Variants in CTTNBP2NL observed in about 807,000 individuals in gnomAD.
CTTNBP2NL encodes the protein CTTNBP2 N-terminal like, also known as CTTNBP2 N-terminal-like protein.
A neutral mutation model predicts 32.5 loss-of-function variants in CTTNBP2NL; 16 were observed. That is an observed-to-expected ratio of 0.49 (90% CI 0.33 to 0.75). CTTNBP2NL has a LOEUF of 0.75. Among genes scored for constraint, CTTNBP2NL ranks in the 30% least tolerant of loss-of-function variants. The pLI is 0.02. For synonymous variants in CTTNBP2NL, 298 were observed against 289.4 expected (o/e 1.03, Z -0.30); for missense variants, 645 against 756.0 (o/e 0.85, Z 1.72).
intron 3 of CTTNBP2NL, among the ~76,000 whole-genome samples, chr1:112,427,888 T>G (rs1649447798): frequency 1.1e-5 from 1 of 87,664 alleles, no homozygotes; most frequent in Non-Finnish European, 2.4e-5. Flanking sequence ...AGAGCAAGAC[T>G]CTGTCTCAAA....
chr1:112,409,391 T>TA (rs34549995), intron 1 of CTTNBP2NL, among the ~76,000 whole-genome samples: 14 of 152,140 alleles, frequency 9.2e-5, no homozygotes, highest in African/African-American at 3.4e-4. Context: ...AATTACTGAT[T>TA]AAAAAAAATT....
At chr1:112,402,714 TAAC>T (rs1388173838) in intron 1 of CTTNBP2NL, among the ~76,000 whole-genome samples, 1 of 152,192 alleles carries the variant, frequency 6.6e-6, no homozygotes, top group Admixed American at 6.5e-5. Context: ...TTTGAGGGTA[TAAC>T]AATGATCTGG....
At chr1:112,420,542 C>T (rs747545474) in intron 3 of CTTNBP2NL, among the ~76,000 whole-genome samples, 4 of 152,106 alleles carry the variant, frequency 2.6e-5, no homozygotes, top group Non-Finnish European at 4.4e-5. Context: ...GTGAGCAGCT[C>T]ACTGCAGCCT....
Position 112,456,023 on chromosome 1 carries a change from G to A in CTTNBP2NL, c.531G>A (p.Gln177=), listed in dbSNP as rs2101035755. ...QLEEERSRHK[Q]LSSMLVLECK... ...AAGAGGAGCGCTCCCGCCACAAGCA[G>A]CTCTCATCCATGCTAGTGCTTGAGT... Residue 177 remains glutamine (Q), a synonymous_variant, in exon 6 of 6, where the codon CAG becomes CAA. Transcript: ENST00000271277. The A allele has an allele frequency of 1.2e-6, 2 of 1,614,154 alleles. No individual in the cohort carries two copies. The highest frequency in any genetic ancestry group is 1.7e-6 in the Non-Finnish European group (2 of 1,180,014).
intron 1 of CTTNBP2NL, among the ~76,000 whole-genome samples, chr1:112,396,855 C>T (rs1648346577): frequency 6.6e-6 from 1 of 152,236 alleles, no homozygotes; most frequent in Non-Finnish European, 1.5e-5. Flanking sequence ...CCCGCAGCCC[C>T]TCGCATCCTC....
intron 3 of CTTNBP2NL, among the ~76,000 whole-genome samples, chr1:112,436,871 A>G (rs556518104): frequency 6.6e-6 from 1 of 152,152 alleles, no homozygotes; most frequent in African/African-American, 2.4e-5. Context: ...TGTTCTTATC[A>G]TTTAGCTCCA....
Position 112,458,195 on chromosome 1 carries a change from T to G in CTTNBP2NL, c.*783T>G, listed in dbSNP as rs1173844080. On this transcript the variant is annotated 3_prime_UTR_variant, in exon 6 of 6. Coordinates refer to ENST00000271277, the MANE Select transcript of CTTNBP2NL (RefSeq NM_018704.3). Reference sequence around the variant, plus strand: ...AAGCATCTACTGTTGTGTAAGGAACTTCTGATTCTGATTGCTGTTACTTGA... The same window carrying G: ...AAGCATCTACTGTTGTGTAAGGAACGTCTGATTCTGATTGCTGTTACTTGA... 1 of 152,698 alleles carries G rather than the reference T, an allele frequency of 6.5e-6. No individual in the cohort carries two copies. The highest frequency in any genetic ancestry group is 1.9e-4 in the East Asian group (1 of 5,204). The allele number at this position is 152,698 out of a possible 1,614,324, so 9.5% of individuals were successfully genotyped here. A position where few individuals can be genotyped will look rare whatever the true frequency, so the allele number is the denominator to read the frequency against.
At chr1:112,441,937 A>T (rs1304467806) in intron 3 of CTTNBP2NL, among the ~76,000 whole-genome samples, 1 of 152,126 alleles carries the variant, frequency 6.6e-6, no homozygotes, top group Non-Finnish European at 1.5e-5. Flanking sequence ...GAAAAAAGAG[A>T]TTAGGATCTA....
Position 112,396,230 on chromosome 1 carries a change from G to T in CTTNBP2NL, c.-176G>T, listed in dbSNP as rs115621358. On this transcript the variant is annotated 5_prime_UTR_variant, in exon 1 of 6. Transcript: ENST00000271277. ...CGGAGCCTCAGCCGCTGTGGATGGG[G>T]AGTGGAGGCGGAGGGGAGCGGAGCC... 9.8e-3 allele frequency: 1,497 copies of T among 152,526 alleles called. 36 individuals are homozygous for T. Among genetic ancestry groups the T allele is most frequent in the African/African-American group, 0.034 (1,411 of 41,584 alleles). 9.4% of individuals were successfully genotyped at this position (152,526 alleles called of 1,614,324 possible).
At chr1:112,410,754 C>A (rs942665729) in intron 1 of CTTNBP2NL, among the ~76,000 whole-genome samples, 9 of 152,172 alleles carry the variant, frequency 5.9e-5, no homozygotes, top group South Asian at 2.1e-4. Context: ...TGACAAGTGA[C>A]AGCTTACTTA....
intron 3 of CTTNBP2NL, among the ~76,000 whole-genome samples, chr1:112,424,410 C>G (rs962016176): frequency 2.0e-5 from 3 of 152,182 alleles, no homozygotes; most frequent in South Asian, 2.1e-4. Flanking sequence ...CAGTACCACA[C>G]TGTTTTGGTT....
At chr1:112,399,447 AC>A (rs1369462971) in intron 1 of CTTNBP2NL, among the ~76,000 whole-genome samples, 2 of 152,202 alleles carry the variant, frequency 1.3e-5, no homozygotes, top group Non-Finnish European at 2.9e-5. Context: ...AAAAATAGGA[AC>A]GGAGCACAGA....
intron 1 of CTTNBP2NL, among the ~76,000 whole-genome samples, chr1:112,408,450 C>G (rs1648751381): frequency 6.6e-6 from 1 of 151,884 alleles, no homozygotes; most frequent in Non-Finnish European, 1.5e-5. Flanking sequence ...ACTCTTTTAT[C>G]CCAAATGAAT....
intron 3 of CTTNBP2NL, among the ~76,000 whole-genome samples, chr1:112,435,458 T>C (rs1388814951): frequency 2.0e-5 from 3 of 152,196 alleles, no homozygotes; most frequent in Non-Finnish European, 4.4e-5. Flanking sequence ...TTTCAGGCCC[T>C]GTAAGTCTAC....
intron 3 of CTTNBP2NL, among the ~76,000 whole-genome samples, chr1:112,441,479 GGCTATTACGAATAAAGCT>G (rs1352851024): frequency 6.6e-6 from 1 of 151,792 alleles, no homozygotes; most frequent in Non-Finnish European, 1.5e-5. Context: ...TCTAGTTTGG[GGCTATTACGAATAAAGCT>G]GCTATAGCAG....
At chr1:112,405,191 C>T (rs1648624478) in intron 1 of CTTNBP2NL, among the ~76,000 whole-genome samples, 1 of 152,148 alleles carries the variant, frequency 6.6e-6, no homozygotes, top group Admixed American at 6.5e-5. Context: ...AGTTGTTATT[C>T]ATTTTCATTA....
intron 3 of CTTNBP2NL, among the ~76,000 whole-genome samples, chr1:112,447,110 TA>T (rs1414358415): frequency 3.3e-5 from 5 of 151,312 alleles, no homozygotes; most frequent in South Asian, 2.1e-4. Context: ...CCGTCTCTAT[TA>T]AAAAATACAA....
intron 3 of CTTNBP2NL, among the ~76,000 whole-genome samples, chr1:112,432,927 G>A (rs1009014464): frequency 4.6e-5 from 7 of 151,882 alleles, no homozygotes; most frequent in African/African-American, 1.5e-4. Context: ...AAAAGTAACC[G>A]CTAATGGCCT....
At chr1:112,393,752 C>T (rs1366800530), upstream of CTTNBP2NL, among the ~76,000 whole-genome samples, 1 of 152,142 alleles carries the variant, frequency 6.6e-6, no homozygotes, top group African/African-American at 2.4e-5. Context: ...TTGCTGAGTC[C>T]TTCTACACTC....
Sources: allele counts gnomAD v4.1 joint callset (sites outside exome capture counted in the v4.1 genomes callset), GRCh38; gene constraint gnomAD v4.1.1; transcripts MANE v1.5; gene names NCBI Gene and HGNC (gene_info 2026-07-23, HGNC 2026-07-21).